The following ZC3H11A variants were observed in gnomAD, a reference collection of about 807,000 sequenced individuals.
ZC3H11A encodes zinc finger CCCH-type containing 11A.
ZC3H11A carries 22 observed loss-of-function variants against 90.8 expected under a neutral mutation model. The observed-to-expected ratio is 0.24, with a 90% CI of 0.17 to 0.35. The LOEUF (loss-of-function observed/expected upper bound fraction) is 0.35, where lower values mean the gene tolerates loss of function less well. Ranked by LOEUF, ZC3H11A falls within the 10% of genes least tolerant of loss-of-function variation. ZC3H11A has a pLI of 1.00. For missense variants in ZC3H11A, 701 were observed against 964.9 expected (o/e 0.73, Z 3.62); for synonymous variants, 294 against 339.8 (o/e 0.87, Z 1.48).
rs1290361928 is a variant in ZC3H11A, at chr1:203,821,926, T to A, written c.174+3237T>A. Among the ~76,000 whole-genome samples the A allele has an allele frequency of 2.0e-5, 3 of 151,984 alleles. No individual in the cohort carries two copies. In the East Asian group the frequency reaches 5.8e-4, roughly 29 times the overall value. ...GTGCCCGCCACCACGCCCGGCTAAT[T>A]TTTTGTACTTTTAGTAGAGATGGGG... On this transcript the variant is annotated intron_variant, in intron 4 of 17. Transcript: ENST00000367210.
chr1:203,840,570 A>G (rs1558135983), intron 12 of ZC3H11A, among the ~76,000 whole-genome samples, 196 bp downstream of exon 12: 1 of 151,964 alleles, frequency 6.6e-6, no homozygotes, highest in Non-Finnish European at 1.5e-5. Flanking sequence ...TAGAGATGGT[A>G]AAATGATTGT....
chr1:203,828,684 A>T (rs1681329449), intron 5 of ZC3H11A, among the ~76,000 whole-genome samples: 1 of 152,224 alleles, frequency 6.6e-6, no homozygotes, highest in African/African-American at 2.4e-5. Flanking sequence ...AACGTTTTCA[A>T]AATAAATTTG....
rs1237212315 is a variant in ZC3H11A, at chr1:203,802,961, A to G, written c.-201A>G. ...GAGTGTTGGTTCGACCTACAGGCGTAATAGATTGGAACTCAGTGAAGACAC... is the reference window on the plus strand; with the variant it reads ...GAGTGTTGGTTCGACCTACAGGCGTGATAGATTGGAACTCAGTGAAGACAC... On this transcript the variant is annotated 5_prime_UTR_variant, in exon 2 of 18. Coordinates refer to ENST00000367210, the MANE Select transcript of ZC3H11A (RefSeq NM_001376342.1). The G allele has an allele frequency of 1.3e-5, 2 of 152,546 alleles. No homozygotes were observed. The highest frequency in any genetic ancestry group is 2.9e-5 in the Non-Finnish European group (2 of 68,038). 9.4% of individuals were successfully genotyped at this position (152,546 alleles called of 1,614,324 possible). A position where few individuals can be genotyped will look rare whatever the true frequency, so the allele number is the denominator to read the frequency against.
intron 12 of ZC3H11A, among the ~76,000 whole-genome samples, chr1:203,845,120 T>G (rs1687535664): frequency 6.6e-6 from 1 of 152,230 alleles, no homozygotes; most frequent in Admixed American, 6.5e-5. Flanking sequence ...CCTATGGTTT[T>G]AACTATTATT....
Position 203,833,837 on chromosome 1 carries a change from A to T in ZC3H11A, c.858A>T (p.Lys286Asn). The change falls in exon 10 of 18, where the codon AAA becomes AAT. Residue 286 changes from lysine to asparagine, a missense_variant. Physicochemically the swap from Lys to Asn is moderately conservative, Grantham distance 94 (BLOSUM62 0). Around this residue, in one of 4 missense-constraint regions of ZC3H11A, gnomAD observed 530 missense variants for 696.2 expected, o/e 0.76. Transcript: ENST00000367210. Reference protein sequence around the residue: ...VRLSLTERLGKRKFSAGGDSD... With the variant: ...VRLSLTERLGNRKFSAGGDSD... The stretch of plus-strand genomic sequence containing the variant: ...TGAGTCTTACTGAGAGACTGGGGAA[A>T]CGAAAATTTTCAGCAGGTAAGATAA... 6.2e-7 allele frequency: 1 copy of T among 1,610,222 alleles called. No homozygotes were observed. Among genetic ancestry groups the T allele is most frequent in the South Asian group, 1.1e-5 (1 of 90,176 alleles).
intron 7 of ZC3H11A, 25 bp from the exon 8 acceptor site, chr1:203,830,098 A>G (rs975323708): frequency 1.3e-6 from 2 of 1,560,338 alleles, no homozygotes; most frequent in African/African-American, 2.7e-5. Context: ...CCCGTTCCTC[A>G]TAAAATTTCT....
At chr1:203,810,432 T>A (rs1303509218) in intron 2 of ZC3H11A, among the ~76,000 whole-genome samples, 1 of 151,448 alleles carries the variant, frequency 6.6e-6, no homozygotes, top group Non-Finnish European at 1.5e-5. Flanking sequence ...GGTTTTTTTT[T>A]TTTTTGAGAC....
intron 1 of ZC3H11A, chr1:203,797,715 A>G: frequency 6.5e-7 from 1 of 1,535,186 alleles, no homozygotes. Context: ...AAAGAAAAGA[A>G]AGAAGGGTTT....
At chr1:203,846,693 G>T (rs751234819) in intron 12 of ZC3H11A, among the ~76,000 whole-genome samples, 1 of 152,068 alleles carries the variant, frequency 6.6e-6, no homozygotes, top group Non-Finnish European at 1.5e-5. Context: ...TGCTATTTTT[G>T]TTAAGATTTA....
At chr1:203,848,452 G>C in intron 14 of ZC3H11A, 45 bp downstream of exon 14, 1 of 1,459,290 alleles carries the variant, frequency 6.9e-7, no homozygotes, top group Non-Finnish European at 9.4e-7. Flanking sequence ...GCAAACAAAG[G>C]CTAGATAATT....
chr1:203,838,196 C>G, intron 11 of ZC3H11A, 132 bp downstream of exon 11: 2 of 863,252 alleles, frequency 2.3e-6, no homozygotes, highest in Non-Finnish European at 3.5e-6. Flanking sequence ...ATTATTCACT[C>G]AACAAACATT....
intron 4 of ZC3H11A, among the ~76,000 whole-genome samples, chr1:203,821,155 G>A (rs111803133): frequency 0.015 from 2,223 of 152,168 alleles, 26 homozygotes; most frequent in South Asian, 0.024. Context: ...GTGCGTTCTC[G>A]TGAGATCTGA....
At position 203,828,280 on chromosome 1, in the gene ZC3H11A, G is replaced by A. The variant is rs1337982901; in HGVS notation, c.175-19G>A. ...TATCACTGTTTTATTTGAAAGCAAT[G>A]TGTTTTTCCCTCTTACAGAAAAAAC... On this transcript the variant is annotated intron_variant, in intron 4 of 17. Coordinates refer to ENST00000367210, the MANE Select transcript of ZC3H11A (RefSeq NM_001376342.1). 3.7e-6 allele frequency: 6 copies of A among 1,613,802 alleles called. No homozygotes were observed. The highest frequency in any genetic ancestry group is 4.2e-6 in the Non-Finnish European group (5 of 1,179,842).
At chr1:203,798,290 T>C in intron 1 of ZC3H11A, 1 of 1,536,144 alleles carries the variant, frequency 6.5e-7, no homozygotes. Flanking sequence ...TTGTCAAGCA[T>C]GCTTTAATTC....
At chr1:203,844,839 C>A (rs1687451561) in intron 12 of ZC3H11A, among the ~76,000 whole-genome samples, 1 of 152,016 alleles carries the variant, frequency 6.6e-6, no homozygotes, top group Non-Finnish European at 1.5e-5. Flanking sequence ...CTCCTCCCTC[C>A]CCTTTTTCTG....
chr1:203,799,523 T>C (rs993410794), intron 1 of ZC3H11A: 15 of 702,934 alleles, frequency 2.1e-5, no homozygotes, highest in East Asian at 8.0e-5. Context: ...CAGTTCACCA[T>C]AGTCTTGGTA....
intron 8 of ZC3H11A, 99 bp downstream of exon 8, chr1:203,830,302 C>A: frequency 1.1e-6 from 1 of 901,596 alleles, no homozygotes; most frequent in Non-Finnish European, 1.7e-6. Flanking sequence ...AATAGATTTT[C>A]ATTTCCATGG....
intron 2 of ZC3H11A, among the ~76,000 whole-genome samples, chr1:203,806,769 T>C (rs1350043655): frequency 6.6e-6 from 1 of 151,832 alleles, no homozygotes; most frequent in Non-Finnish European, 1.5e-5. Flanking sequence ...TGTGCATTTA[T>C]GCTAGGAAGT....
chr1:203,828,254 G>A (rs986772254), intron 4 of ZC3H11A, 45 bp from the exon 5 acceptor site: 11 of 1,610,930 alleles, frequency 6.8e-6, no homozygotes, highest in South Asian at 3.3e-5. Flanking sequence ...ATGAATATAC[G>A]TATCACTGTT....
Sources: allele counts gnomAD v4.1 joint callset (sites outside exome capture counted in the v4.1 genomes callset), GRCh38; gene constraint gnomAD v4.1.1; regional missense constraint gnomAD v4.1.1; transcripts MANE v1.5; gene names NCBI Gene and HGNC (gene_info 2026-07-23, HGNC 2026-07-21).